The following ZNF37A variants were observed in gnomAD, a reference collection of about 807,000 sequenced individuals.
ZNF37A encodes the protein zinc finger protein 37a (KOX 21).
ZNF37A carries 10 observed loss-of-function variants against 12.3 expected under a neutral mutation model. The ratio of observed to expected loss-of-function variants is 0.82; its 90% confidence interval spans 0.50 to 1.38. ZNF37A has a LOEUF of 1.38. ZNF37A is among the 40% of genes most tolerant of loss of function. The pLI, the probability that ZNF37A is intolerant of heterozygous loss-of-function variation, is 0.00. For synonymous variants in ZNF37A, 207 were observed against 223.0 expected (o/e 0.93, Z 0.64); for missense variants, 580 against 651.2 (o/e 0.89, Z 1.19).
At chr10:38,127,748 C>T (rs1336607909), downstream of ZNF37A, among the ~76,000 whole-genome samples, 3 of 152,198 alleles carry the variant, frequency 2.0e-5, no homozygotes, top group Middle Eastern at 6.8e-3. Context: ...AAATACTAGC[C>T]GAATTCGTGA....
rs1166764628 is a variant in ZNF37A at position 38,122,482 on chromosome 10, A to G, written c.*3645A>G. The stretch of plus-strand genomic sequence containing the variant: ...ACCAAAACAGCATGATACTGGCATA[A>G]CAACAGACACATAGGAACAGTATAG... On this transcript the variant is annotated 3_prime_UTR_variant, in exon 8 of 8. Coordinates refer to ENST00000685332, the MANE Select transcript of ZNF37A (RefSeq NM_001324250.3). 1 of 152,220 alleles carries G rather than the reference A, an allele frequency of 6.6e-6. No homozygotes were observed. Among genetic ancestry groups the G allele is most frequent in the African/African-American group, 2.4e-5 (1 of 41,448 alleles). The allele number at this position is 152,220 out of a possible 1,614,324, so 9.4% of individuals were successfully genotyped here. A position where few individuals can be genotyped will look rare whatever the true frequency, so the allele number is the denominator to read the frequency against.
At chr10:38,138,042 A>G (rs2070132933) in intron 7 of ZNF37A, 1 of 152,236 alleles carries the variant, frequency 6.6e-6, no homozygotes. Context: ...CCTGAAATAA[A>G]TAACTCTTTG....
intron 1 of ZNF37A, among the ~76,000 whole-genome samples, 195 bp downstream of exon 1, chr10:38,094,685 C>G (rs1421453087): frequency 1.3e-5 from 2 of 152,218 alleles, no homozygotes; most frequent in Non-Finnish European, 2.9e-5. Context: ...GAAGGATGCC[C>G]GGAGGCCTCC....
chr10:38,096,826 T>G (rs1286136424), intron 5 of ZNF37A, among the ~76,000 whole-genome samples, 194 bp downstream of exon 5: 2 of 151,940 alleles, frequency 1.3e-5, no homozygotes, highest in African/African-American at 2.4e-5. Flanking sequence ...TTTTATATTT[T>G]TAGGTGGCTG....
chr10:38,102,950 A>G (rs2135904678), intron 5 of ZNF37A, among the ~76,000 whole-genome samples: 1 of 152,214 alleles, frequency 6.6e-6, no homozygotes, highest in East Asian at 1.9e-4. Context: ...GTACATGGTT[A>G]GTCCCTTGTC....
intron 5 of ZNF37A, 103 bp downstream of exon 5, chr10:38,096,735 T>C (rs548775924): frequency 1.0e-5 from 12 of 1,174,906 alleles, no homozygotes; most frequent in East Asian, 2.4e-5. Context: ...AGGGAAAATA[T>C]AGAGGAGAGG....
At chr10:38,105,945 T>A (rs986752006) in intron 5 of ZNF37A, among the ~76,000 whole-genome samples, 8 of 150,842 alleles carry the variant, frequency 5.3e-5, no homozygotes, top group Non-Finnish European at 1.2e-4. Flanking sequence ...GTAGTTTTAC[T>A]TCTGCCTTTC....
chr10:38,108,002 C>G (rs878889833), intron 5 of ZNF37A, among the ~76,000 whole-genome samples: 1 of 152,114 alleles, frequency 6.6e-6, no homozygotes, highest in Non-Finnish European at 1.5e-5. Flanking sequence ...ACCAAGCAGA[C>G]CTAATAGACA....
chr10:38,117,078 C>A, intron 7 of ZNF37A: 1 of 702,272 alleles, frequency 1.4e-6, no homozygotes, highest in Non-Finnish European at 1.7e-6. Context: ...CACTACACTC[C>A]AGCCTGGATG....
At chr10:38,129,786 ATGTTTGTAGTTTTGGG>A (rs1198502217), downstream of ZNF37A, among the ~76,000 whole-genome samples, 12 of 152,224 alleles carry the variant, frequency 7.9e-5, no homozygotes, top group Non-Finnish European at 1.6e-4. Context: ...CAACTAACAT[ATGTTTGTAGTTTTGGG>A]TTTTGTTTGT....
At chr10:38,143,332 C>T (rs2070209705) in intron 7 of ZNF37A, 1 of 152,160 alleles carries the variant, frequency 6.6e-6, no homozygotes, top group South Asian at 2.1e-4. Flanking sequence ...GTAATAATTT[C>T]AATAAATATT....
intron 4 of ZNF37A, 107 bp from the exon 5 acceptor site, chr10:38,096,467 G>C (rs1246990523): frequency 1.4e-6 from 1 of 713,354 alleles, no homozygotes; most frequent in African/African-American, 1.8e-5. Flanking sequence ...TCATGCCAGA[G>C]TCATGCATGG....
downstream of ZNF37A, among the ~76,000 whole-genome samples, chr10:38,129,304 T>TAAAAAAAAAAAA (rs775705417): frequency 8.3e-4 from 47 of 56,900 alleles, 1 homozygote; most frequent in African/African-American, 2.1e-3. Flanking sequence ...AGACTCTGTC[T>TAAAAAAAAAAAA]AAAAAAAAAA....
downstream of ZNF37A, among the ~76,000 whole-genome samples, chr10:38,129,310 A>AG (rs2069979149): frequency 6.8e-6 from 1 of 146,622 alleles, no homozygotes; most frequent in Non-Finnish European, 1.5e-5. Context: ...TGTCTAAAAA[A>AG]AAAAAAAAAA....
chr10:38,114,696 C>CT (rs1439928303), intron 5 of ZNF37A, 59 bp from the exon 6 acceptor site: 35 of 1,611,534 alleles, frequency 2.2e-5, no homozygotes, highest in Non-Finnish European at 3.0e-5. Flanking sequence ...CCCTAAACAT[C>CT]TTTTTTCACG....
At position 38,122,781 on chromosome 10, in the gene ZNF37A, T is replaced by G. The variant is rs1216487005; in HGVS notation, c.*3944T>G. On this transcript the variant is annotated 3_prime_UTR_variant, in exon 8 of 8. Transcript: ENST00000685332. ...TTGGAGTGGGCAAAGATTTCTTGTG[T>G]AATACCTGACAAACAGGCAACCAAA... 6 of 152,304 alleles carry G rather than the reference T, an allele frequency of 3.9e-5. No homozygotes were observed. Among genetic ancestry groups the G allele is most frequent in the Admixed American group, 1.3e-4 (2 of 15,296 alleles). 9.4% of individuals were successfully genotyped at this position (152,304 alleles called of 1,614,324 possible). A position where few individuals can be genotyped will look rare whatever the true frequency, so the allele number is the denominator to read the frequency against.
chr10:38,126,110 C>T (rs2069921682), downstream of ZNF37A, among the ~76,000 whole-genome samples: 1 of 152,132 alleles, frequency 6.6e-6, no homozygotes, highest in South Asian at 2.1e-4. Flanking sequence ...TTTAGGCAGG[C>T]AAAAATATCC....
At chr10:38,108,155 G>A (rs935136055) in intron 5 of ZNF37A, among the ~76,000 whole-genome samples, 2 of 151,890 alleles carry the variant, frequency 1.3e-5, no homozygotes, top group African/African-American at 2.4e-5. Context: ...ACAGTCTCTC[G>A]GGCCACAGTG....
At chr10:38,129,319 A>AAAAAAAAAAAAAAAAAAAAAAAACAAAC, downstream of ZNF37A, among the ~76,000 whole-genome samples, 1 of 116,228 alleles carries the variant, frequency 8.6e-6, no homozygotes, top group Non-Finnish European at 1.9e-5. Context: ...AAAAAAAAAA[A>AAAAAAAAAAAAAAAAAAAAAAAACAAAC]AAACTATTAT....
Sources: allele counts gnomAD v4.1 joint callset (sites outside exome capture counted in the v4.1 genomes callset), GRCh38; gene constraint gnomAD v4.1.1; transcripts MANE v1.5; gene names NCBI Gene and HGNC (gene_info 2026-07-23, HGNC 2026-07-21).